Variants in TCF7L1 observed in about 807,000 individuals in gnomAD.
The protein encoded by TCF7L1 is transcription factor 7-like 1.
A neutral mutation model predicts 63.7 loss-of-function variants in TCF7L1; 18 were observed. The ratio of observed to expected loss-of-function variants is 0.28; its 90% CI spans 0.20 to 0.42. The LOEUF is 0.42. Among genes scored for constraint, TCF7L1 ranks in the 10% least tolerant of loss-of-function variants. The pLI is 1.00. For synonymous variants in TCF7L1, 355 were observed against 340.9 expected (o/e 1.04, Z -0.46); for missense variants, 654 against 779.3 (o/e 0.84, Z 1.91).
chr2:85,174,876 T>G (rs1014307125), intron 3 of TCF7L1, among the ~76,000 whole-genome samples: 2 of 152,220 alleles, frequency 1.3e-5, no homozygotes, highest in African/African-American at 4.8e-5. Context: ...CGACCCTACC[T>G]TTCTTCCTCC....
chr2:85,309,409 C>T lies in TCF7L1; in HGVS notation c.1714C>T (p.Leu572Phe). Residue 572 changes from leucine (L) to phenylalanine (F), a missense_variant, in exon 12 of 12, where the codon CTC (leucine) becomes TTC (phenylalanine). Transcript: ENST00000282111. ...FPATLHAHQALPVLQAQPLSL... is the reference protein window; with the variant it reads ...FPATLHAHQAFPVLQAQPLSL... ...CGCCACGCTCCATGCCCACCAGGCCCTCCCGGTGCTACAGGCCCAGCCTCT... is the reference window on the plus strand; with the variant it reads ...CGCCACGCTCCATGCCCACCAGGCCTTCCCGGTGCTACAGGCCCAGCCTCT... 1.3e-6 allele frequency: 2 copies of T among 1,581,238 alleles called. No individual in the cohort carries two copies. Among genetic ancestry groups the T allele is most frequent in the Non-Finnish European group, 1.7e-6 (2 of 1,163,030 alleles).
rs1430041591 is a variant in TCF7L1 at position 85,306,083 on chromosome 2, G to C, written c.990-123G>C. On this transcript the variant is annotated intron_variant, in intron 8 of 11. Transcript: ENST00000282111. This position sits in a 1 kb window ranked among gnomAD's most constrained non-coding sequence, Gnocchi z 4.3. ...GTTGAGTGCAGCCATGGGGCCACTT[G>C]AATTAGCATCCAGGCAGCCCGCGCC... 3 of 1,184,238 alleles carry C rather than the reference G, an allele frequency of 2.5e-6. No individual in the cohort carries two copies. The Admixed American group carries it at 6.6e-5, about 26-fold the overall frequency. The allele number at this position is 1,184,238 out of a possible 1,614,324, so 73.4% of individuals were successfully genotyped here. A position where few individuals can be genotyped will look rare whatever the true frequency, so the allele number is the denominator to read the frequency against.
chr2:85,157,380 C>T (rs1678173633), intron 3 of TCF7L1, among the ~76,000 whole-genome samples: 1 of 152,186 alleles, frequency 6.6e-6, no homozygotes, highest in Non-Finnish European at 1.5e-5. Context: ...TTGTTTAGTC[C>T]TCAGAATGAC....
chr2:85,234,201 T>G (rs1680149106), intron 3 of TCF7L1, among the ~76,000 whole-genome samples: 1 of 146,994 alleles, frequency 6.8e-6, no homozygotes, highest in Non-Finnish European at 1.5e-5. Flanking sequence ...AGTGGCATGA[T>G]CTCAGCTCAC....
chr2:85,279,586 C>T (rs1334842391), intron 3 of TCF7L1, among the ~76,000 whole-genome samples: 1 of 152,156 alleles, frequency 6.6e-6, no homozygotes, highest in Non-Finnish European at 1.5e-5. Context: ...TTCAACTGTC[C>T]TTTCCTCAGA....
intron 3 of TCF7L1, among the ~76,000 whole-genome samples, chr2:85,243,287 G>A (rs1303090394): frequency 6.6e-6 from 1 of 152,220 alleles, no homozygotes; most frequent in African/African-American, 2.4e-5. Flanking sequence ...TCACCCAGAG[G>A]TGGGAGCAGA....
intron 3 of TCF7L1, among the ~76,000 whole-genome samples, chr2:85,239,381 C>G (rs563795264): frequency 4.3e-4 from 66 of 152,294 alleles, no homozygotes; most frequent in Non-Finnish European, 7.8e-4. Context: ...ATCCCTCCCC[C>G]TCATGCTGGG....
At chr2:85,188,198 T>C (rs2104260868) in intron 3 of TCF7L1, among the ~76,000 whole-genome samples, 1 of 152,306 alleles carries the variant, frequency 6.6e-6, no homozygotes, top group East Asian at 1.9e-4. Flanking sequence ...TGGTACAGTT[T>C]AGTATTTTGA....
chr2:85,228,751 C>T (rs899463029), intron 3 of TCF7L1, among the ~76,000 whole-genome samples: 4 of 151,942 alleles, frequency 2.6e-5, no homozygotes, highest in Non-Finnish European at 5.9e-5. Context: ...CTCGGTGGCT[C>T]ACGCCTGTAA....
At chr2:85,198,488 G>A (rs916974031) in intron 3 of TCF7L1, among the ~76,000 whole-genome samples, 2 of 152,162 alleles carry the variant, frequency 1.3e-5, no homozygotes, top group Non-Finnish European at 2.9e-5. Context: ...CACAGGCAGG[G>A]GCTGGTTTCA....
chr2:85,254,721 C>T (rs1237053725), intron 3 of TCF7L1, among the ~76,000 whole-genome samples: 2 of 152,168 alleles, frequency 1.3e-5, no homozygotes, highest in East Asian at 1.9e-4. Context: ...CAAATAGCCT[C>T]GCCAATCTGC....
chr2:85,170,210 T>C (rs1678515994), intron 3 of TCF7L1, among the ~76,000 whole-genome samples: 2 of 152,288 alleles, frequency 1.3e-5, no homozygotes, highest in South Asian at 4.1e-4. Context: ...CTGACTTTGC[T>C]CTGCTGGGTC....
intron 3 of TCF7L1, 47 bp from the exon 4 acceptor site, chr2:85,283,448 G>A (rs1681470990): frequency 6.2e-7 from 1 of 1,607,478 alleles, no homozygotes; most frequent in Non-Finnish European, 8.5e-7. Context: ...GAGTACTTGT[G>A]AGGCCTCATC....
In TCF7L1 at chr2:85,293,758, G is replaced by A. The variant is rs149796928; in HGVS notation, c.526-8726G>A. Reference sequence around the variant, plus strand: ...TCTAAACAGAAATAAATTATTGCAAGTGTTAACAGTCTCGTGTCCAAGTAC... The same window carrying A: ...TCTAAACAGAAATAAATTATTGCAAATGTTAACAGTCTCGTGTCCAAGTAC... On this transcript the variant is annotated intron_variant, in intron 4 of 11. Coordinates refer to ENST00000282111, the MANE Select transcript of TCF7L1 (RefSeq NM_031283.3). 2.6e-4 allele frequency among the ~76,000 whole-genome samples: 39 copies of A among 152,332 alleles called. No individual in the cohort carries two copies. In the East Asian group the frequency reaches 7.3e-3, roughly 29 times the overall value.
chr2:85,224,140 A>G (rs1468331064), intron 3 of TCF7L1, among the ~76,000 whole-genome samples: 2 of 152,256 alleles, frequency 1.3e-5, no homozygotes, highest in Non-Finnish European at 2.9e-5. Context: ...ATAGCTGCAT[A>G]GTATTCCATG....
At chr2:85,258,746 T>A (rs1047062519) in intron 3 of TCF7L1, among the ~76,000 whole-genome samples, 1 of 152,222 alleles carries the variant, frequency 6.6e-6, no homozygotes, top group Non-Finnish European at 1.5e-5. Flanking sequence ...CCTGCAGATA[T>A]TGGGGTTGGG....
chr2:85,253,880 A>C (rs1034097493), intron 3 of TCF7L1, among the ~76,000 whole-genome samples: 2 of 152,222 alleles, frequency 1.3e-5, no homozygotes, highest in African/African-American at 4.8e-5. Context: ...ACAACTGGTA[A>C]GGGGTACAGT....
intron 3 of TCF7L1, among the ~76,000 whole-genome samples, chr2:85,157,296 G>A (rs983263097): frequency 3.3e-5 from 5 of 152,140 alleles, no homozygotes; most frequent in Non-Finnish European, 5.9e-5. Flanking sequence ...AGTTCTTTCC[G>A]AACTACTGCT....
At chr2:85,239,172 T>G (rs1680265545) in intron 3 of TCF7L1, among the ~76,000 whole-genome samples, 1 of 152,156 alleles carries the variant, frequency 6.6e-6, no homozygotes, top group Non-Finnish European at 1.5e-5. Context: ...GGTCCCTGTT[T>G]TGGAGATGTA....
Sources: allele counts gnomAD v4.1 joint callset (sites outside exome capture counted in the v4.1 genomes callset), GRCh38; gene constraint gnomAD v4.1.1; non-coding constraint Gnocchi (gnomAD v3.1); transcripts MANE v1.5; gene names NCBI Gene and HGNC (gene_info 2026-07-23, HGNC 2026-07-21).